The following ATP11B variants were observed in gnomAD, a reference collection of about 807,000 sequenced individuals.
The protein encoded by ATP11B is ATPase phospholipid transporting 11B (putative), also known as phospholipid-transporting ATPase IF.
A neutral mutation model predicts 157.8 loss-of-function variants in ATP11B; 81 were observed. The observed-to-expected ratio is 0.51, with a 90% CI of 0.43 to 0.62. The LOEUF is 0.62. ATP11B is among the 20% of genes least tolerant of loss of function. The pLI is 0.00. For synonymous variants in ATP11B, 451 were observed against 469.4 expected (o/e 0.96, Z 0.51); for missense variants, 1,165 against 1,402.2 (o/e 0.83, Z 2.70).
At chr3:182,832,772 G>A (rs1428991702) in intron 4 of ATP11B, among the ~76,000 whole-genome samples, 5 of 152,050 alleles carry the variant, frequency 3.3e-5, no homozygotes, top group Admixed American at 2.0e-4. Context: ...GATAGTCTTT[G>A]CCCTCCACGA....
intron 8 of ATP11B, among the ~76,000 whole-genome samples, chr3:182,843,326 T>C (rs1447024047): frequency 2.0e-5 from 3 of 152,220 alleles, no homozygotes; most frequent in Non-Finnish European, 4.4e-5. Flanking sequence ...TTGCATTTCT[T>C]TTTCTGATAA....
In ATP11B at chr3:182,865,636, A is replaced by T. The variant is rs1470047724; in HGVS notation, c.1381A>T (p.Asn461Tyr). The T allele has an allele frequency of 6.2e-7, 1 of 1,613,520 alleles. No individual in the cohort carries two copies. Among genetic ancestry groups the T allele is most frequent in the South Asian group, 1.1e-5 (1 of 91,076 alleles). ...SYLSSLSHLN[N>Y]LSHLTTSSSF... ...TCTTAGTAGTTTATCCCATCTTAAC[A>T]ACTTATCCCATCTTACAACCAGTTC... Residue 461 changes from asparagine to tyrosine, a missense_variant, in exon 13 of 30, where the codon AAC becomes TAC. Physicochemically the swap from Asn to Tyr is moderately radical, Grantham distance 143. This residue lies in a region of ATP11B where 737 missense variants were observed against 930.5 expected (regional missense o/e 0.79). Transcript: ENST00000323116.
intron 25 of ATP11B, among the ~76,000 whole-genome samples, chr3:182,896,015 C>T (rs529500620): frequency 6.6e-6 from 1 of 152,284 alleles, no homozygotes; most frequent in African/African-American, 2.4e-5. Flanking sequence ...CAAAACGATG[C>T]AGTTTGGACT....
intron 10 of ATP11B, among the ~76,000 whole-genome samples, chr3:182,853,450 C>G (rs537439024): frequency 6.6e-5 from 10 of 152,268 alleles, no homozygotes; most frequent in African/African-American, 2.4e-4. Context: ...TCTTGATCCG[C>G]CTACCTCGGC....
chr3:182,876,689 C>T (rs778743377), intron 19 of ATP11B, among the ~76,000 whole-genome samples: 47 of 152,224 alleles, frequency 3.1e-4, no homozygotes, highest in Admixed American at 9.1e-4. Flanking sequence ...GTGGAAGGGA[C>T]GAAAGGCAAG....
chr3:182,848,931 AG>A (rs1400883328), intron 10 of ATP11B, among the ~76,000 whole-genome samples: 2 of 152,228 alleles, frequency 1.3e-5, no homozygotes, highest in Non-Finnish European at 2.9e-5. Flanking sequence ...GATAGCAGCA[AG>A]GGGGAAAATT....
chr3:182,914,820 A>G, intron 29 of ATP11B: 1 of 985,342 alleles, frequency 1.0e-6, no homozygotes, highest in South Asian at 4.7e-5. Context: ...AGAGGATGTT[A>G]GGGGGTAGAA....
At chr3:182,897,470 G>T in intron 27 of ATP11B, 64 bp downstream of exon 27, 1 of 1,148,084 alleles carries the variant, frequency 8.7e-7, no homozygotes, top group Non-Finnish European at 1.2e-6. Context: ...ATTGTGATAG[G>T]TTACATTATG....
Position 182,921,027 on chromosome 3 carries a change from A to T in ATP11B, c.*2923A>T. The T allele has an allele frequency of 6.6e-6, 1 of 152,174 alleles. No individual in the cohort carries two copies. Among genetic ancestry groups the T allele is most frequent in the East Asian group, 1.9e-4 (1 of 5,190 alleles). The allele number at this position is 152,174 out of a possible 1,614,324, so 9.4% of individuals were successfully genotyped here. On this transcript the variant is annotated 3_prime_UTR_variant, in exon 30 of 30. Transcript: ENST00000323116. ...CTACTGGAAAAGATTGTGAGATTGA[A>T]CTTATCTGATCGCTTGAGACTCCTA...
intron 29 of ATP11B, chr3:182,916,796 T>C (rs1725169204): frequency 1.0e-6 from 1 of 985,220 alleles, no homozygotes; most frequent in Non-Finnish European, 1.2e-6. Flanking sequence ...AAAACTAATA[T>C]AAAGTATTGG....
At chr3:182,878,176 A>G (rs1328147439) in intron 19 of ATP11B, among the ~76,000 whole-genome samples, 1 of 152,226 alleles carries the variant, frequency 6.6e-6, no homozygotes, top group Non-Finnish European at 1.5e-5. Context: ...ATTGCTTACC[A>G]CTTATAGCTA....
chr3:182,904,980 T>C (rs1724240677), intron 28 of ATP11B, among the ~76,000 whole-genome samples: 1 of 151,970 alleles, frequency 6.6e-6, no homozygotes, highest in Non-Finnish European at 1.5e-5. Context: ...TATTTTCTTT[T>C]CCCCTCTTCC....
At chr3:182,869,053 G>T (rs556629808) in intron 15 of ATP11B, 25 bp from the exon 16 acceptor site, 2 of 1,514,074 alleles carry the variant, frequency 1.3e-6, no homozygotes, top group South Asian at 2.5e-5. Context: ...TAAAGTTTTT[G>T]TCTTTCTTAC....
Position 182,865,555 on chromosome 3 carries a change from G to A in ATP11B, c.1300G>A (p.Gly434Ser). The change falls in exon 13 of 30, where the codon GGT (glycine) becomes AGT (serine). Residue 434 changes from glycine to serine, a missense_variant. Transcript: ENST00000323116. Reference sequence around the variant, plus strand: ...TGGCATGAAATACCAAGAAATTAATGGTAGACTTGTACCCGAAGGACCAAC... The same window carrying A: ...TGGCATGAAATACCAAGAAATTAATAGTAGACTTGTACCCGAAGGACCAAC... ...INGMKYQEINGRLVPEGPTPD... is the reference protein window; with the variant it reads ...INGMKYQEINSRLVPEGPTPD... 1.2e-6 allele frequency: 2 copies of A among 1,613,744 alleles called. No individual in the cohort carries two copies. Among genetic ancestry groups the A allele is most frequent in the South Asian group, 1.1e-5 (1 of 91,058 alleles).
intron 27 of ATP11B, 96 bp downstream of exon 27, chr3:182,897,502 A>T (rs951813974): frequency 4.7e-6 from 4 of 852,318 alleles, no homozygotes; most frequent in Non-Finnish European, 7.1e-6. Flanking sequence ...CTCATAACAG[A>T]TTTCAGACTC....
Position 182,921,024 on chromosome 3 carries a change from T to G in ATP11B, c.*2920T>G, listed in dbSNP as rs1725450140. 6.6e-6 allele frequency: 1 copy of G among 152,182 alleles called. No homozygotes were observed. Among genetic ancestry groups the G allele is most frequent in the African/African-American group, 2.4e-5 (1 of 41,446 alleles). The allele number at this position is 152,182 out of a possible 1,614,324, so 9.4% of individuals were successfully genotyped here. A position where few individuals can be genotyped will look rare whatever the true frequency, so the allele number is the denominator to read the frequency against. ...TTTCTACTGGAAAAGATTGTGAGATTGAACTTATCTGATCGCTTGAGACTC... is the reference window on the plus strand; with the variant it reads ...TTTCTACTGGAAAAGATTGTGAGATGGAACTTATCTGATCGCTTGAGACTC... On this transcript the variant is annotated 3_prime_UTR_variant, in exon 30 of 30. Transcript: ENST00000323116.
intron 29 of ATP11B, chr3:182,914,331 ACTATTTC>A: frequency 1.1e-5 from 11 of 980,524 alleles, no homozygotes; most frequent in Non-Finnish European, 1.2e-5. Flanking sequence ...TTATACATAT[ACTATTTC>A]CTTTTTATTT....
Position 182,859,308 on chromosome 3 carries a change from A to T in ATP11B, c.1149A>T (p.Ser383=). The change falls in exon 12 of 30, where the codon TCA becomes TCT. Residue 383 remains serine, a synonymous_variant. Coordinates refer to ENST00000323116, the MANE Select transcript of ATP11B (RefSeq NM_014616.3). ...ATCTTGATCTGTATCATGAAGAATC[A>T]GATCAGAAAGCTCAAGTCAATACTT... ...GWDLDLYHEE[S]DQKAQVNTSD... 2 of 1,610,544 alleles carry T rather than the reference A, an allele frequency of 1.2e-6. No individual in the cohort carries two copies. The highest frequency in any genetic ancestry group is 1.7e-6 in the Non-Finnish European group (2 of 1,178,166).
intron 28 of ATP11B, among the ~76,000 whole-genome samples, chr3:182,904,540 A>G (rs1426294104): frequency 2.6e-5 from 4 of 152,262 alleles, no homozygotes; most frequent in East Asian, 1.9e-4. Flanking sequence ...GGAAAACTGT[A>G]TGGATATCAG....
Sources: gnomAD v4.1 joint callset for allele counts (sites outside exome capture counted in the v4.1 genomes callset) on GRCh38, gnomAD v4.1.1 for gene constraint, gnomAD v4.1.1 regional missense constraint, MANE v1.5 for transcripts, NCBI Gene and HGNC (gene_info 2026-07-23, HGNC 2026-07-21) for gene names.